Variants in SENP1 observed in about 807,000 individuals in gnomAD.
The protein encoded by SENP1 is sentrin-specific protease 1.
SENP1 carries 21 observed loss-of-function variants against 93.0 expected under a neutral mutation model. The ratio of observed to expected loss-of-function variants is 0.23; its 90% confidence interval spans 0.16 to 0.33. SENP1 has a LOEUF of 0.33. SENP1 is among the 10% of genes least tolerant of loss of function. SENP1 has a pLI of 1.00. For synonymous variants in SENP1, 256 were observed against 259.6 expected (o/e 0.99, Z 0.13); for missense variants, 591 against 758.7 (o/e 0.78, Z 2.60).
At chr12:48,105,658 C>T (rs894418752) in intron 1 of SENP1, 1 of 428,482 alleles carries the variant, frequency 2.3e-6, no homozygotes, top group Non-Finnish European at 4.4e-6. Context: ...AAACAGCTCT[C>T]CCCAGAGAAG....
chr12:48,098,252 C>CT, intron 2 of SENP1, 128 bp from the exon 3 acceptor site: 1 of 933,654 alleles, frequency 1.1e-6, no homozygotes. Flanking sequence ...GTAATCCCAG[C>CT]ACTCTGAGAG....
intron 12 of SENP1, 23 bp downstream of exon 12, chr12:48,065,042 G>A: frequency 1.4e-6 from 2 of 1,475,358 alleles, no homozygotes; most frequent in Non-Finnish European, 1.9e-6. Context: ...TAGTAGTGTA[G>A]AAATTAAGTG....
intron 9 of SENP1, among the ~76,000 whole-genome samples, chr12:48,070,288 T>G (rs879653726): frequency 2.0e-5 from 3 of 152,218 alleles, no homozygotes; most frequent in Non-Finnish European, 4.4e-5. Flanking sequence ...GGCTCCCTCT[T>G]ACCTCCATCA....
At chr12:48,071,992 C>A (rs1416403523) in intron 8 of SENP1, among the ~76,000 whole-genome samples, 1 of 152,170 alleles carries the variant, frequency 6.6e-6, no homozygotes, top group Non-Finnish European at 1.5e-5. Flanking sequence ...GCTGCACTTG[C>A]TCCCTGTGCT....
rs1244592850 is a variant in SENP1 at position 48,056,347 on chromosome 12, ATAT to A, written c.1408-7218_1408-7216del. 1.6e-3 allele frequency among the ~76,000 whole-genome samples: 131 copies of A among 81,130 alleles called. 1 individual carries two copies. The highest frequency in any genetic ancestry group is 3.0e-3 in the Non-Finnish European group (120 of 39,976). The allele number at this position is 81,130 out of a possible 152,430, so 53.2% of individuals were successfully genotyped here. On this transcript the variant is annotated intron_variant, in intron 13 of 17. Transcript: ENST00000549518. ...ATATAAATATTATTTAATATATTAC[ATAT>A]AATATATTATTTAATATATTACATA...
rs754202388 is a variant in SENP1, at chr12:48,074,569, T to C, written c.695A>G (p.Asp232Gly). The stretch of plus-strand genomic sequence containing the variant: ...AGAGTTTCCATTTTTAAACAGTGAG[T>C]CTTTCAAAGTATTTTTACTGGAACT... ...CLSSSKNTLKDSLFKNGNSCA... is the reference protein window; with the variant it reads ...CLSSSKNTLKGSLFKNGNSCA... Residue 232 changes from aspartate to glycine, a missense_variant, in exon 8 of 18, where the codon GAC (aspartate) becomes GGC (glycine). Physicochemically the swap from Asp to Gly is moderately conservative, Grantham distance 94. This residue lies in a region of SENP1 where 238 missense variants were observed against 259.1 expected (regional missense o/e 0.92). Transcript: ENST00000549518. The C allele has an allele frequency of 1.2e-6, 2 of 1,613,250 alleles. No homozygotes were observed. The highest frequency in any genetic ancestry group is 1.1e-5 in the South Asian group (1 of 91,036).
intron 4 of SENP1, among the ~76,000 whole-genome samples, chr12:48,092,276 C>G (rs1945271645): frequency 6.6e-6 from 1 of 152,034 alleles, no homozygotes; most frequent in Admixed American, 6.6e-5. Flanking sequence ...CTAGCCCAAT[C>G]AAGAGGTAAG....
At chr12:48,070,514 T>C (rs1408055887) in intron 9 of SENP1, among the ~76,000 whole-genome samples, 1 of 152,228 alleles carries the variant, frequency 6.6e-6, no homozygotes, top group Non-Finnish European at 1.5e-5. Context: ...TCAAGTAGAA[T>C]GCAAGCTCCT....
intron 15 of SENP1, among the ~76,000 whole-genome samples, chr12:48,047,598 A>T (rs1941467794): frequency 6.6e-6 from 1 of 152,158 alleles, no homozygotes; most frequent in African/African-American, 2.4e-5. Flanking sequence ...ACAGTGAGGA[A>T]TAGGTATTTT....
chr12:48,089,877 AT>A (rs1395433038), intron 4 of SENP1, among the ~76,000 whole-genome samples: 2 of 152,206 alleles, frequency 1.3e-5, no homozygotes, highest in African/African-American at 4.8e-5. Context: ...TTTAAAACAT[AT>A]TACTATAGAA....
At chr12:48,059,303 T>C (rs892549820) in intron 13 of SENP1, among the ~76,000 whole-genome samples, 4 of 152,192 alleles carry the variant, frequency 2.6e-5, no homozygotes, top group African/African-American at 4.8e-5. Context: ...TTGGCTTTTT[T>C]TGTGTGTCTC....
intron 9 of SENP1, among the ~76,000 whole-genome samples, chr12:48,068,108 C>T (rs1040679997): frequency 3.3e-5 from 5 of 152,008 alleles, no homozygotes; most frequent in African/African-American, 9.7e-5. Context: ...TCATGACCTC[C>T]GGTGATCCAT....
At chr12:48,099,185 G>A (rs879217076) in intron 2 of SENP1, 1 of 152,044 alleles carries the variant, frequency 6.6e-6, no homozygotes, top group Non-Finnish European at 1.5e-5. Context: ...ACATTAGCCA[G>A]ACATGGTGGT....
chr12:48,100,630 G>A (rs1420013191), intron 2 of SENP1, among the ~76,000 whole-genome samples: 5 of 150,786 alleles, frequency 3.3e-5, no homozygotes, highest in African/African-American at 4.9e-5. Flanking sequence ...GCGAGACTCC[G>A]TCTCAAAAGA....
chr12:48,061,829 G>T (rs1157504402), intron 13 of SENP1, among the ~76,000 whole-genome samples: 7 of 152,118 alleles, frequency 4.6e-5, no homozygotes, highest in Admixed American at 4.6e-4. Flanking sequence ...TTTGAAAATG[G>T]TGCTTTTTAA....
chr12:48,074,532 C>G lies in SENP1; in HGVS notation c.732G>C (p.Gln244His), dbSNP rs570514819. Residue 244 changes from glutamine to histidine, a missense_variant, in exon 8 of 18, where the codon CAG (glutamine) becomes CAC (histidine). By Grantham distance (24) the Gln-to-His change is conservative. Around this residue, in one of 4 missense-constraint regions of SENP1, gnomAD observed 238 missense variants for 259.1 expected, o/e 0.92. Transcript: ENST00000549518. Reference protein sequence around the residue: ...LFKNGNSCASQIIGSDTSSSG... With the variant: ...LFKNGNSCASHIIGSDTSSSG... ...ATGATGAAGTATCAGAGCCAATGAT[C>G]TGAGATGCACAAGAGTTTCCATTTT... 1.9e-6 allele frequency: 3 copies of G among 1,613,676 alleles called. No individual in the cohort carries two copies. Among genetic ancestry groups the G allele is most frequent in the Non-Finnish European group, 2.5e-6 (3 of 1,179,772 alleles).
At chr12:48,083,434 T>C (rs757182502) in intron 6 of SENP1, among the ~76,000 whole-genome samples, 157 bp downstream of exon 6, 8 of 152,192 alleles carry the variant, frequency 5.3e-5, no homozygotes, top group African/African-American at 1.2e-4. Flanking sequence ...CTCTTTAGAA[T>C]AGATGATAAC....
In SENP1 at chr12:48,043,858, T is replaced by C. The variant is rs1002433495; in HGVS notation, c.*1464A>G. On this transcript the variant is annotated 3_prime_UTR_variant, in exon 18 of 18. Transcript: ENST00000549518. Reference sequence around the variant, plus strand: ...AACGAGCTTGTATAAAACAGTAAAATTTTCAAATAAGCCCAGGGAAAAAGC... The same window carrying C: ...AACGAGCTTGTATAAAACAGTAAAACTTTCAAATAAGCCCAGGGAAAAAGC... 2.0e-5 allele frequency: 3 copies of C among 152,436 alleles called. No homozygotes were observed. Among genetic ancestry groups the C allele is most frequent in the Non-Finnish European group, 4.4e-5 (3 of 68,004 alleles). The allele number at this position is 152,436 out of a possible 1,614,324, so 9.4% of individuals were successfully genotyped here.
At chr12:48,068,826 A>G (rs1184998919) in intron 9 of SENP1, among the ~76,000 whole-genome samples, 2 of 150,202 alleles carry the variant, frequency 1.3e-5, no homozygotes, top group African/African-American at 2.4e-5. Context: ...ATCTTCTGAG[A>G]AAAAAAAAAT....
Sources: allele counts gnomAD v4.1 joint callset (sites outside exome capture counted in the v4.1 genomes callset), GRCh38; gene constraint gnomAD v4.1.1; regional missense constraint gnomAD v4.1.1; transcripts MANE v1.5; gene names NCBI Gene and HGNC (gene_info 2026-07-23, HGNC 2026-07-21).